HOTAIR: variants seen among roughly 807,000 people sequenced by gnomAD.
HOTAIR encodes HOX transcript antisense RNA.
exon 7 of HOTAIR, chr12:53,962,763 C>T (rs1481314907): frequency 6.6e-6 from 1 of 152,020 alleles, no homozygotes; most frequent in Admixed American, 6.6e-5. Flanking sequence ...CCTTCTGTGT[C>T]TACATGCATC....
At chr12:53,965,651 A>T (rs1939037989) in intron 5 of HOTAIR, among the ~76,000 whole-genome samples, 1 of 152,208 alleles carries the variant, frequency 6.6e-6, no homozygotes, top group African/African-American at 2.4e-5. Context: ...GAACAAGGCA[A>T]GAGAGAACCC....
intron 1 of HOTAIR, among the ~76,000 whole-genome samples, chr12:53,972,586 G>T (rs188881669): frequency 8.3e-4 from 126 of 152,326 alleles, no homozygotes; most frequent in Non-Finnish European, 1.6e-3. Flanking sequence ...ACTCCAGAAA[G>T]GTAGTCTTGA....
rs370804226 is a variant in HOTAIR at position 53,973,782 on chromosome 12, C to G, written n.59+1116G>C. On this transcript the variant is annotated intron_variant and non_coding_transcript_variant, in intron 1 of 6. Transcript: ENST00000424518. This position sits in a 1 kb window ranked among gnomAD's most constrained non-coding sequence, Gnocchi z 4.3. ...CGGCAAGGGCGAGGCCAAGGGGGAGCCCGAGGCACCCCCGGCCTCGGGACT... is the reference window on the plus strand; with the variant it reads ...CGGCAAGGGCGAGGCCAAGGGGGAGGCCGAGGCACCCCCGGCCTCGGGACT... 2.5e-6 allele frequency: 4 copies of G among 1,603,862 alleles called. No individual in the cohort carries two copies. The highest frequency in any genetic ancestry group is 2.2e-5 in the South Asian group (2 of 90,454).
intron 1 of HOTAIR, among the ~76,000 whole-genome samples, chr12:53,970,457 A>G (rs753903427): frequency 3.3e-4 from 50 of 152,368 alleles, no homozygotes; most frequent in Middle Eastern, 3.4e-3. Flanking sequence ...GTAAATGTCT[A>G]GCTGACCTCA....
chr12:53,973,322 C>T lies in HOTAIR; in HGVS notation n.59+1576G>A. 6.2e-7 allele frequency: 1 copy of T among 1,614,032 alleles called. No homozygotes were observed. Among genetic ancestry groups the T allele is most frequent in the Non-Finnish European group, 8.5e-7 (1 of 1,180,002 alleles). ...GCGCAGATTTCGGCGAGCGAGGGAG[C>T]TGCGCCTCCAACCTCTATCTGCCCA... On this transcript the variant is annotated intron_variant and non_coding_transcript_variant, in intron 1 of 6. Transcript: ENST00000424518. The surrounding 1 kb of genome is among the most constrained non-coding windows in gnomAD (Gnocchi z 4.3).
chr12:53,973,767 G>A lies in HOTAIR; in HGVS notation n.59+1131C>T, dbSNP rs769758969. The A allele has an allele frequency of 1.2e-6, 2 of 1,610,660 alleles. No individual in the cohort carries two copies. The highest frequency in any genetic ancestry group is 3.3e-4 in the Middle Eastern group (2 of 6,044). On this transcript the variant is annotated intron_variant and non_coding_transcript_variant, in intron 1 of 6. Coordinates refer to ENST00000424518, the Ensembl canonical transcript of HOTAIR. This position sits in a 1 kb window ranked among gnomAD's most constrained non-coding sequence, Gnocchi z 4.3. ...CGAGCCCCCCTGCTCCGGCAAGGGC[G>A]AGGCCAAGGGGGAGCCCGAGGCACC...
chr12:53,974,818 G>A (rs929289616), intron 1 of HOTAIR: 1 of 192,448 alleles, frequency 5.2e-6, no homozygotes, highest in Non-Finnish European at 1.0e-5. Flanking sequence ...TGGGCTTTCC[G>A]AACCACTAGG....
intron 1 of HOTAIR, among the ~76,000 whole-genome samples, chr12:53,970,082 C>G (rs1307365684): frequency 6.6e-6 from 1 of 152,230 alleles, no homozygotes; most frequent in Non-Finnish European, 1.5e-5. Context: ...GGACAGCTGC[C>G]CAGACCGCAG....
At chr12:53,970,844 G>C (rs989161653) in intron 1 of HOTAIR, among the ~76,000 whole-genome samples, 1 of 152,128 alleles carries the variant, frequency 6.6e-6, no homozygotes, top group Non-Finnish European at 1.5e-5. Context: ...TCCTGGCTTT[G>C]CTGAATCTGC....
rs539922992 is a variant in HOTAIR at position 53,970,233 on chromosome 12, C to T, written n.60-1477G>A. ...AGATGGAGGGGTCACAGGCACCCAC[C>T]AGATAAGATACAAATAAGCCACCTG... On this transcript the variant is annotated intron_variant and non_coding_transcript_variant, in intron 1 of 6. Coordinates refer to ENST00000424518, the Ensembl canonical transcript of HOTAIR. 2.0e-3 allele frequency among the ~76,000 whole-genome samples: 312 copies of T among 152,296 alleles called. 1 individual carries two copies. The highest frequency in any genetic ancestry group is 1.9e-3 in the Non-Finnish European group (132 of 68,028).
At chr12:53,969,847 T>G (rs1186528722) in intron 1 of HOTAIR, among the ~76,000 whole-genome samples, 1 of 152,128 alleles carries the variant, frequency 6.6e-6, no homozygotes, top group Non-Finnish European at 1.5e-5. Flanking sequence ...GTTCATGGTC[T>G]GTGGGATGGG....
At chr12:53,968,183 A>T (rs1939088822) in intron 2 of HOTAIR, 1 of 152,290 alleles carries the variant, frequency 6.6e-6, no homozygotes. Context: ...CAACACAGAG[A>T]AAAAGAGACT....
chr12:53,964,484 A>G (rs1012989604), intron 5 of HOTAIR, among the ~76,000 whole-genome samples: 1 of 152,172 alleles, frequency 6.6e-6, no homozygotes, highest in African/African-American at 2.4e-5. Context: ...ACAATGTAAC[A>G]CTAGACAGAA....
intron 1 of HOTAIR, among the ~76,000 whole-genome samples, chr12:53,971,825 G>T (rs902267086): frequency 2.0e-5 from 3 of 152,246 alleles, no homozygotes; most frequent in Non-Finnish European, 2.9e-5. Flanking sequence ...AGGGATGGAA[G>T]GCAAGGGGTT....
At chr12:53,972,224 A>G (rs1050944046) in intron 1 of HOTAIR, among the ~76,000 whole-genome samples, 1 of 152,250 alleles carries the variant, frequency 6.6e-6, no homozygotes, top group Non-Finnish European at 1.5e-5. Context: ...GGGCCCTGAC[A>G]TAGAAGATAC....
In HOTAIR at chr12:53,973,284, C is replaced by T; in HGVS notation, n.59+1614G>A. On this transcript the variant is annotated intron_variant and non_coding_transcript_variant, in intron 1 of 6. Transcript: ENST00000424518. This position sits in a 1 kb window ranked among gnomAD's most constrained non-coding sequence, Gnocchi z 4.3. Reference sequence around the variant, plus strand: ...CCTGGGCAACTTCTGCTCTCCGTCGCGCAAGGAGAGGGGCGCAGATTTCGG... The same window carrying T: ...CCTGGGCAACTTCTGCTCTCCGTCGTGCAAGGAGAGGGGCGCAGATTTCGG... 1 of 1,613,570 alleles carries T rather than the reference C, an allele frequency of 6.2e-7. No homozygotes were observed. Among genetic ancestry groups the T allele is most frequent in the Non-Finnish European group, 8.5e-7 (1 of 1,179,908 alleles).
At position 53,973,285 on chromosome 12, in the gene HOTAIR, G is replaced by C. The variant is rs745410942; in HGVS notation, n.59+1613C>G. On this transcript the variant is annotated intron_variant and non_coding_transcript_variant, in intron 1 of 6. Transcript: ENST00000424518. The surrounding 1 kb of genome is among the most constrained non-coding windows in gnomAD (Gnocchi z 4.3). ...CTGGGCAACTTCTGCTCTCCGTCGCGCAAGGAGAGGGGCGCAGATTTCGGC... is the reference window on the plus strand; with the variant it reads ...CTGGGCAACTTCTGCTCTCCGTCGCCCAAGGAGAGGGGCGCAGATTTCGGC... The C allele has an allele frequency of 1.4e-5, 23 of 1,613,396 alleles. No homozygotes were observed. Among genetic ancestry groups the C allele is most frequent in the Non-Finnish European group, 1.8e-5 (21 of 1,179,934 alleles).
intron 1 of HOTAIR, among the ~76,000 whole-genome samples, chr12:53,970,493 C>T (rs950433210): frequency 2.0e-5 from 3 of 152,152 alleles, no homozygotes; most frequent in East Asian, 1.9e-4. Flanking sequence ...TTTCCTTGAC[C>T]GTAGCAGCAA....
intron 1 of HOTAIR, among the ~76,000 whole-genome samples, chr12:53,972,947 T>C (rs1387670144): frequency 4.6e-5 from 7 of 151,170 alleles, no homozygotes; most frequent in African/African-American, 1.5e-4. Context: ...TGCTGTGGTA[T>C]GGAGAGAAGG....
Sources: gnomAD v4.1 joint callset for allele counts (sites outside exome capture counted in the v4.1 genomes callset) on GRCh38, gnomAD v4.1.1 for gene constraint, Gnocchi (gnomAD v3.1) non-coding constraint, MANE v1.5 for transcripts, NCBI Gene and HGNC (gene_info 2026-07-23, HGNC 2026-07-21) for gene names.